The following MACF1 variants were observed in gnomAD, a reference collection of about 807,000 sequenced individuals.
MACF1 encodes microtubule-actin cross-linking factor 1.
A neutral mutation model predicts 854.8 loss-of-function variants in MACF1; 193 were observed. The ratio of observed to expected loss-of-function variants is 0.23; its 90% confidence interval spans 0.20 to 0.25. The LOEUF is 0.25. MACF1 is among the 10% of genes least tolerant of loss of function. The pLI, the probability that MACF1 is intolerant of heterozygous loss-of-function variation, is 1.00. For synonymous variants in MACF1, 3,185 were observed against 3,226.7 expected (o/e 0.99, Z 0.44); for missense variants, 7,722 against 8,929.1 (o/e 0.86, Z 5.45).
intron 6 of MACF1, among the ~76,000 whole-genome samples, chr1:39,278,370 T>G (rs938380002): frequency 6.6e-6 from 1 of 152,358 alleles, no homozygotes; most frequent in South Asian, 2.1e-4. Context: ...TTTATTTTTC[T>G]TTCCCTTAGG....
chr1:39,381,699 A>G (rs1419938422), intron 55 of MACF1, among the ~76,000 whole-genome samples: 20 of 152,094 alleles, frequency 1.3e-4, no homozygotes, highest in Admixed American at 1.3e-3. Flanking sequence ...GCATGGTGGC[A>G]CACGCCTATA....
chr1:39,089,527 C>T (rs959114453), intron 2 of MACF1, among the ~76,000 whole-genome samples: 2 of 152,134 alleles, frequency 1.3e-5, no homozygotes, highest in Admixed American at 6.5e-5. Context: ...GGTTCATTTC[C>T]CTCACCAGCT....
rs756598291 is a variant in MACF1, at chr1:39,317,456, T to C, written c.3782+49T>C. The C allele has an allele frequency of 1.9e-6, 3 of 1,569,064 alleles. No individual in the cohort carries two copies. The East Asian group carries it at 6.7e-5, about 35-fold the overall frequency. ...CTCCTATTAGAGTTCAGGGACTAGG[T>C]CTTAAACAAAAACAGAGTTATATCT... On this transcript the variant is annotated intron_variant, in intron 29 of 100. Coordinates refer to ENST00000564288, the MANE Select transcript of MACF1 (RefSeq NM_001394062.1).
chr1:39,332,549 G>A lies in MACF1; in HGVS notation c.5961G>A (p.Glu1987=). ...NGQRLLLLDK[E]LMETLTSRDE... ...AGAGGCTGCTTCTGTTAGATAAAGA[G>A]CTGATGGAGACACTAACATCCAGAG... Residue 1987 remains glutamate, a synonymous_variant, in exon 37 of 101, where the codon GAG becomes GAA. Coordinates refer to ENST00000564288, the MANE Select transcript of MACF1 (RefSeq NM_001394062.1). 6.2e-7 allele frequency: 1 copy of A among 1,614,130 alleles called. No homozygotes were observed.
chr1:39,478,804 G>T (rs2124216847), intron 97 of MACF1, among the ~76,000 whole-genome samples: 1 of 152,294 alleles, frequency 6.6e-6, no homozygotes, highest in South Asian at 2.1e-4. Flanking sequence ...CAAATATTTT[G>T]TTCATAATGA....
At chr1:39,361,750 C>A in intron 49 of MACF1, 73 bp downstream of exon 49, 2 of 1,420,804 alleles carry the variant, frequency 1.4e-6, no homozygotes, top group Non-Finnish European at 2.0e-6. Flanking sequence ...ATTTGCTGAG[C>A]GCATACTACA....
At chr1:39,414,068 G>T in intron 58 of MACF1, 1 of 1,541,276 alleles carries the variant, frequency 6.5e-7, no homozygotes, top group Non-Finnish European at 8.7e-7. Context: ...GAGGAACTCA[G>T]TTCCCCAGCA....
chr1:39,270,738 C>T (rs1645300046), intron 6 of MACF1, among the ~76,000 whole-genome samples: 1 of 152,120 alleles, frequency 6.6e-6, no homozygotes, highest in Non-Finnish European at 1.5e-5. Flanking sequence ...ACTTTCCTTG[C>T]CTAGATGGGG....
chr1:39,251,734 T>A, intron 3 of MACF1, 112 bp from the exon 4 acceptor site: 1 of 528,884 alleles, frequency 1.9e-6, no homozygotes. Flanking sequence ...TGGGAGGGTA[T>A]TTTCATATTT....
At chr1:39,372,418 GTCCCTAC>G in intron 51 of MACF1, 54 bp from the exon 52 acceptor site, 1 of 879,370 alleles carries the variant, frequency 1.1e-6, no homozygotes, top group East Asian at 2.4e-5. Flanking sequence ...CAGAACAGAT[GTCCCTAC>G]TTATGAGGAA....
chr1:39,316,391 G>T lies in MACF1; in HGVS notation c.3450G>T (p.Lys1150Asn). 1 of 1,609,006 alleles carries T rather than the reference G, an allele frequency of 6.2e-7. No homozygotes were observed. Among genetic ancestry groups the T allele is most frequent in the Non-Finnish European group, 8.5e-7 (1 of 1,177,146 alleles). ...AAGGAATGTGTATTTGTCCCCACAG[G>T]TTAAAGACAGTTGATGTTATAGTAC... is the stretch of plus-strand genomic sequence containing the variant. ...VYGLSTVYLN[K>N]LKTVDVIVRS... Residue 1150 changes from lysine (K) to asparagine (N), a missense_variant and splice_region_variant, in exon 28 of 101, where the codon AAG becomes AAT. This residue lies in a region of MACF1 where 1,137 missense variants were observed against 1,263.0 expected (regional missense o/e 0.90). Transcript: ENST00000564288.
chr1:39,221,693 T>TAAA (rs1644653898), intron 1 of MACF1, among the ~76,000 whole-genome samples: 1 of 152,250 alleles, frequency 6.6e-6, no homozygotes, highest in Admixed American at 6.5e-5. Flanking sequence ...GGCTATTGTT[T>TAAA]CTACCTCTAC....
rs190361075 is a variant in MACF1, at chr1:39,179,781, G to A, written c.221-51401G>A. On this transcript the variant is annotated intron_variant, in intron 2 of 93. Transcript: ENST00000361689. ...TGTAATCCCAGCCCTTTGGGAGGCC[G>A]AGGCAGGTGGATCACTTGAGGTCAG... Among the ~76,000 whole-genome samples, 878 of 152,182 alleles carry A rather than the reference G, an allele frequency of 5.8e-3. 9 individuals carry two copies. Among genetic ancestry groups the A allele is most frequent in the African/African-American group, 0.02 (842 of 41,538 alleles).
chr1:39,250,439 A>C (rs1315756453), intron 3 of MACF1, among the ~76,000 whole-genome samples: 1 of 152,038 alleles, frequency 6.6e-6, no homozygotes, highest in Non-Finnish European at 1.5e-5. Context: ...GTTTTTTTGA[A>C]TTAGGTGTAT....
At chr1:39,263,136 CAT>C (rs1645184971) in intron 6 of MACF1, among the ~76,000 whole-genome samples, 1 of 152,050 alleles carries the variant, frequency 6.6e-6, no homozygotes, top group African/African-American at 2.4e-5. Flanking sequence ...AGAACTGTTA[CAT>C]GTTAGGGAAT....
Position 39,430,733 on chromosome 1 carries a change from T to G in MACF1, c.17162T>G (p.Leu5721Arg). 6.2e-7 allele frequency: 1 copy of G among 1,612,214 alleles called. No individual in the cohort carries two copies. The highest frequency in any genetic ancestry group is 8.5e-7 in the Non-Finnish European group (1 of 1,179,976). The change falls in exon 66 of 101, where the codon CTG (leucine) becomes CGG (arginine). Residue 5721 changes from leucine (L) to arginine (R), a missense_variant. By Grantham distance (102) the Leu-to-Arg change is moderately radical. Coordinates refer to ENST00000564288, the MANE Select transcript of MACF1 (RefSeq NM_001394062.1). Reference sequence around the variant, plus strand: ...AAGAAGGAGGTCATGGAGCACAGGCTGGTGTTGGACACAGTGAATGAGGTG... The same window carrying G: ...AAGAAGGAGGTCATGGAGCACAGGCGGGTGTTGGACACAGTGAATGAGGTG... ...ELKKEVMEHR[L>R]VLDTVNEVSR...
At chr1:39,378,338 C>A in intron 52 of MACF1, 123 bp from the exon 53 acceptor site, 1 of 653,468 alleles carries the variant, frequency 1.5e-6, no homozygotes, top group South Asian at 1.8e-5. Flanking sequence ...AGTATGTTGT[C>A]TTGTGCTGTG....
At chr1:39,249,799 G>A (rs1645020630) in intron 2 of MACF1, 1 of 428,950 alleles carries the variant, frequency 2.3e-6, no homozygotes, top group East Asian at 4.2e-5. Context: ...TAATAGATCT[G>A]GCATCAATTT....
At position 39,435,752 on chromosome 1, in the gene MACF1, G is replaced by A. The variant is rs760866108; in HGVS notation, c.17979G>A (p.Gln5993=). 204 of 1,613,948 alleles carry A rather than the reference G, an allele frequency of 1.3e-4. No homozygotes were observed. The highest frequency in any genetic ancestry group is 1.7e-4 in the Non-Finnish European group (196 of 1,179,960). Residue 5993 remains glutamine (Q), a synonymous_variant, in exon 70 of 101, where the codon CAG becomes CAA. Coordinates refer to ENST00000564288, the MANE Select transcript of MACF1 (RefSeq NM_001394062.1). The stretch of plus-strand genomic sequence containing the variant: ...TGGCTCTGGATGAAGCCGTGTCCCA[G>A]TCCACACAGGTATGTGTGTGTCTGA... ...RALALDEAVS[Q]STQFHDKIEP...
Sources: allele counts gnomAD v4.1 joint callset (sites outside exome capture counted in the v4.1 genomes callset), GRCh38; gene constraint gnomAD v4.1.1; regional missense constraint gnomAD v4.1.1; transcripts MANE v1.5; gene names NCBI Gene and HGNC (gene_info 2026-07-23, HGNC 2026-07-21).